Variants in TARM1 observed in about 807,000 individuals in gnomAD.
TARM1 encodes T-cell-interacting, activating receptor on myeloid cells protein 1.
In TARM1, 24 loss-of-function variants were observed where a neutral mutation model predicts 30.4. The observed-to-expected ratio is 0.79, with a 90% CI of 0.57 to 1.11. The LOEUF (loss-of-function observed/expected upper bound fraction) is 1.11. Ranked by LOEUF, TARM1 falls within the 50% of genes least tolerant of loss-of-function variation. TARM1 has a pLI of 0.00. For missense variants in TARM1, 323 were observed against 332.8 expected, an observed-to-expected ratio of 0.97 and a Z score of 0.23; for synonymous variants, 129 against 138.9, an observed-to-expected ratio of 0.93 and a Z score of 0.50.
At chr19:54,071,384 T>A (rs2071807828) in intron 4 of TARM1, among the ~76,000 whole-genome samples, 1 of 152,186 alleles carries the variant, frequency 6.6e-6, no homozygotes, top group Non-Finnish European at 1.5e-5. Context: ...CCACATTGCC[T>A]TTTCTCCTCC....
At chr19:54,071,582 C>T (rs12980745) in intron 4 of TARM1, among the ~76,000 whole-genome samples, 15,233 of 152,020 alleles carry the variant, frequency 0.1, 823 homozygotes, top group East Asian at 0.26. Flanking sequence ...CTGTGGGAGG[C>T]TAAAGTGGGA....
chr19:54,078,802 C>T (rs1373680317), intron 1 of TARM1, among the ~76,000 whole-genome samples: 1 of 152,092 alleles, frequency 6.6e-6, no homozygotes, highest in Non-Finnish European at 1.5e-5. Flanking sequence ...TGTGCTCGGC[C>T]TACAGTGGGA....
At chr19:54,074,358 C>T (rs978667954) in intron 3 of TARM1, 142 bp from the exon 4 acceptor site, 33 of 814,260 alleles carry the variant, frequency 4.1e-5, no homozygotes, top group Non-Finnish European at 4.7e-5. Context: ...CTTCCTACTC[C>T]GACCCCAGGA....
intron 1 of TARM1, among the ~76,000 whole-genome samples, chr19:54,080,107 G>T (rs2072067116): frequency 5.6e-4 from 12 of 21,438 alleles, no homozygotes; most frequent in African/African-American, 2.8e-3. Flanking sequence ...AAGGAAGGAA[G>T]GAAGGAAGGA....
At chr19:54,079,716 T>C (rs987843912) in intron 1 of TARM1, among the ~76,000 whole-genome samples, 1 of 151,046 alleles carries the variant, frequency 6.6e-6, no homozygotes, top group Non-Finnish European at 1.5e-5. Context: ...CACGGGGCAC[T>C]GTGGCTCACG....
chr19:54,080,342 C>CG (rs1301719591), intron 1 of TARM1, among the ~76,000 whole-genome samples: 1 of 150,118 alleles, frequency 6.7e-6, no homozygotes, highest in Non-Finnish European at 1.5e-5. Flanking sequence ...CCTGTAGTCC[C>CG]AGCTACTCGG....
intron 3 of TARM1, 47 bp from the exon 4 acceptor site, chr19:54,074,263 C>T (rs1457025747): frequency 2.0e-6 from 3 of 1,493,442 alleles, no homozygotes; most frequent in Non-Finnish European, 2.7e-6. Flanking sequence ...AGTCTGGAAT[C>T]CCCCACTCAC....
At chr19:54,070,271 T>G (rs75129304) in intron 4 of TARM1, 111 bp from the exon 5 acceptor site, 297,751 of 1,427,776 alleles carry the variant, frequency 0.21, 32,063 homozygotes, top group Middle Eastern at 0.27. Flanking sequence ...GTTTTTTGGT[T>G]TTTTTTTTTG....
chr19:54,075,938 G>A lies in TARM1; in HGVS notation c.35-20C>T. On this transcript the variant is annotated intron_variant, in intron 1 of 4. Transcript: ENST00000432826. ...ACAGTCCTGCAAGACAATCCTCCGTGAGCCAGAAGCCCCTACCTGGAGCCA... is the reference window on the plus strand; with the variant it reads ...ACAGTCCTGCAAGACAATCCTCCGTAAGCCAGAAGCCCCTACCTGGAGCCA... 6.4e-7 allele frequency: 1 copy of A among 1,550,978 alleles called. No individual in the cohort carries two copies. Among genetic ancestry groups the A allele is most frequent in the Non-Finnish European group, 8.7e-7 (1 of 1,146,952 alleles).
intron 3 of TARM1, 31 bp downstream of exon 3, chr19:54,074,793 C>T (rs372335905): frequency 6.0e-5 from 92 of 1,543,598 alleles, no homozygotes; most frequent in East Asian, 2.5e-4. Flanking sequence ...CCCTGTCCCC[C>T]GTATGTCATT....
chr19:54,078,123 G>A (rs1398258164), intron 1 of TARM1, among the ~76,000 whole-genome samples: 1 of 150,846 alleles, frequency 6.6e-6, no homozygotes, highest in African/African-American at 2.4e-5. Flanking sequence ...CCCACCTCAG[G>A]TGATCCGCCC....
chr19:54,075,522 C>T (rs945761129), intron 2 of TARM1, among the ~76,000 whole-genome samples: 29 of 149,190 alleles, frequency 1.9e-4, no homozygotes, highest in Non-Finnish European at 3.0e-4. Context: ...GGGCTGGGTG[C>T]GGTGGCTCAC....
rs971432432 is a variant in TARM1 at position 54,081,198 on chromosome 19, C to T, written c.34+109G>A. The T allele has an allele frequency of 7.7e-6, 8 of 1,042,820 alleles. No individual in the cohort carries two copies. In the East Asian group the frequency reaches 7.9e-5, roughly 10 times the overall value. The allele number at this position is 1,042,820 out of a possible 1,614,324, so 64.6% of individuals were successfully genotyped here. On this transcript the variant is annotated intron_variant, in intron 1 of 4. Coordinates refer to ENST00000432826, the MANE Select transcript of TARM1 (RefSeq NM_001135686.3). ...ACTCAGCAGGACGTCTCACTCCTCC[C>T]GTGTGCTCAGTAAGCCAAAGTTGAT...
intron 1 of TARM1, 41 bp from the exon 2 acceptor site, chr19:54,075,959 AGCCACGTCACCCCCT>A (rs1167112940): frequency 6.5e-7 from 1 of 1,549,600 alleles, no homozygotes; most frequent in East Asian, 2.4e-5. Flanking sequence ...CCCTACCTGG[AGCCACGTCACCCCCT>A]GCCCTGACCC....
chr19:54,076,519 C>T (rs965581035), intron 1 of TARM1: 8 of 333,748 alleles, frequency 2.4e-5, no homozygotes, highest in East Asian at 1.3e-4. Flanking sequence ...TGCGCCAGGA[C>T]GCCCGGCTGA....
Position 54,071,835 on chromosome 19 carries a change from A to AAAAC in TARM1, c.659-1679_659-1676dup, listed in dbSNP as rs587776218. ...GACAGAGTGAGACTCCATCTCAAAG[A>AAAAC]AAACAAACAAACAAACAAAACCCTA... On this transcript the variant is annotated intron_variant, in intron 4 of 4. Transcript: ENST00000432826. 3.9e-3 allele frequency among the ~76,000 whole-genome samples: 586 copies of AAAAC among 149,714 alleles called. 4 individuals are homozygous for AAAAC. Among genetic ancestry groups the AAAAC allele is most frequent in the African/African-American group, 0.014 (564 of 40,676 alleles).
chr19:54,080,048 G>GGAAGGAAGGAAT (rs1457561302), intron 1 of TARM1, among the ~76,000 whole-genome samples: 1 of 110,856 alleles, frequency 9.0e-6, no homozygotes. Flanking sequence ...AAGGAAGGAA[G>GGAAGGAAGGAAT]GGAAAGAGAG....
intron 1 of TARM1, among the ~76,000 whole-genome samples, chr19:54,079,178 C>G (rs889316550): frequency 4.8e-4 from 71 of 147,210 alleles, no homozygotes; most frequent in African/African-American, 1.7e-3. Flanking sequence ...GCAGGAGAAT[C>G]GCTTGAACCC....
At position 54,070,151 on chromosome 19, in the gene TARM1, C is replaced by T; in HGVS notation, c.668G>A (p.Gly223Asp). The change falls in exon 5 of 5, where the codon GGT (glycine) becomes GAT (aspartate). Residue 223 changes from glycine to aspartate, a missense_variant. Physicochemically the swap from Gly to Asp is moderately conservative, Grantham distance 94 (BLOSUM62 -1). Transcript: ENST00000432826. ...CAGGGAGTAGTTGCTCGATGTGGTACCTGGGGGAACTGAAAGAGAGAAGGG... is the reference window on the plus strand; with the variant it reads ...CAGGGAGTAGTTGCTCGATGTGGTATCTGGGGGAACTGAAAGAGAGAAGGG... Reference protein sequence around the residue: ...QLEILVTVPPGTTSSNYSLGN... With the variant: ...QLEILVTVPPDTTSSNYSLGN... 2 of 1,551,508 alleles carry T rather than the reference C, an allele frequency of 1.3e-6. No individual in the cohort carries two copies. The highest frequency in any genetic ancestry group is 2.4e-5 in the East Asian group (1 of 40,916).
Sources: gnomAD v4.1 joint callset for allele counts (sites outside exome capture counted in the v4.1 genomes callset) on GRCh38, gnomAD v4.1.1 for gene constraint, MANE v1.5 for transcripts, NCBI Gene and HGNC (gene_info 2026-07-23, HGNC 2026-07-21) for gene names.